The following SH3D19 variants were observed in gnomAD, a reference collection of about 807,000 sequenced individuals.
SH3D19 encodes SH3 domain-containing protein 19.
SH3D19 carries 58 observed loss-of-function variants against 112.1 expected under a neutral mutation model. The observed-to-expected ratio is 0.52, with a 90% CI of 0.42 to 0.64. The LOEUF is 0.64. Among genes scored for constraint, SH3D19 ranks in the 30% least tolerant of loss-of-function variants. The pLI, the probability that SH3D19 is intolerant of heterozygous loss-of-function variation, is 0.00. For missense variants in SH3D19, 1,090 were observed against 1,263.4 expected (o/e 0.86, Z 2.08); for synonymous variants, 391 against 448.5 (o/e 0.87, Z 1.62).
chr4:151,150,730 T>C (rs1754901530), intron 9 of SH3D19, among the ~76,000 whole-genome samples: 1 of 152,102 alleles, frequency 6.6e-6, no homozygotes, highest in Admixed American at 6.5e-5. Flanking sequence ...TTTATCCTAA[T>C]GGTAGATGAG....
intron 1 of SH3D19, among the ~76,000 whole-genome samples, chr4:151,268,489 G>C (rs915359077): frequency 1.3e-5 from 2 of 151,416 alleles, no homozygotes; most frequent in African/African-American, 4.9e-5. Context: ...TGTGCACAAT[G>C]TGCAGGTTAG....
chr4:151,171,067 G>A (rs938058028), intron 7 of SH3D19, among the ~76,000 whole-genome samples: 1 of 152,156 alleles, frequency 6.6e-6, no homozygotes, highest in Non-Finnish European at 1.5e-5. Flanking sequence ...TGTTATGGAT[G>A]TACTATAATT....
At chr4:151,208,878 C>G (rs1394494171) in intron 2 of SH3D19, among the ~76,000 whole-genome samples, 1 of 149,324 alleles carries the variant, frequency 6.7e-6, no homozygotes, top group East Asian at 2.0e-4. Flanking sequence ...GGGGTTTCAC[C>G]GTGTTAGCCA....
Position 151,133,179 on chromosome 4 carries a change from A to G in SH3D19, c.2544T>C (p.Ser848=). The change falls in exon 16 of 20, where the codon AGT becomes AGC. Residue 848 remains serine (S), a synonymous_variant. Transcript: ENST00000604030. Reference sequence around the variant, plus strand: ...GAATAATAATTTCTCCCTCTGAGAAACTCAACTCATCCTTCTGCTCTCCAA... The same window carrying G: ...GAATAATAATTTCTCCCTCTGAGAAGCTCAACTCATCCTTCTGCTCTCCAA... ...EYIGEQKDEL[S]FSEGEIIILK... is the part of the protein sequence containing the mutation. 1 of 1,613,996 alleles carries G rather than the reference A, an allele frequency of 6.2e-7. No individual in the cohort carries two copies. The highest frequency in any genetic ancestry group is 8.5e-7 in the Non-Finnish European group (1 of 1,179,986).
chr4:151,233,002 G>C (rs1252274839), intron 1 of SH3D19, among the ~76,000 whole-genome samples: 1 of 152,164 alleles, frequency 6.6e-6, no homozygotes, highest in Non-Finnish European at 1.5e-5. Context: ...AAGCAAGCAA[G>C]AATTTCTGCC....
intron 1 of SH3D19, among the ~76,000 whole-genome samples, chr4:151,293,170 T>C (rs1775464663): frequency 6.6e-6 from 1 of 151,138 alleles, no homozygotes; most frequent in Non-Finnish European, 1.5e-5. Flanking sequence ...ATACATTTAA[T>C]AGAAAATAAG....
chr4:151,268,371 A>C (rs974953758), intron 1 of SH3D19, among the ~76,000 whole-genome samples: 2 of 152,160 alleles, frequency 1.3e-5, no homozygotes, highest in African/African-American at 4.8e-5. Context: ...GTGAATGTGA[A>C]CGCCTAGGAC....
chr4:151,164,640 C>T (rs1757683573), intron 8 of SH3D19, among the ~76,000 whole-genome samples: 1 of 150,680 alleles, frequency 6.6e-6, no homozygotes. Context: ...AATGCAGTGG[C>T]ACGATCTCGG....
intron 19 of SH3D19, among the ~76,000 whole-genome samples, chr4:151,125,788 C>G (rs1324157043): frequency 1.2e-4 from 16 of 136,842 alleles, no homozygotes; most frequent in African/African-American, 4.1e-4. Context: ...GGAGGCAGAC[C>G]GAGATCATGC....
chr4:151,245,121 G>C (rs1370828130), intron 1 of SH3D19, among the ~76,000 whole-genome samples: 6 of 151,194 alleles, frequency 4.0e-5, no homozygotes, highest in Non-Finnish European at 8.8e-5. Context: ...TCCAGCCTGG[G>C]CAACAGAGCA....
intron 2 of SH3D19, among the ~76,000 whole-genome samples, chr4:151,214,143 G>T (rs1022719303): frequency 6.6e-6 from 1 of 151,832 alleles, no homozygotes; most frequent in African/African-American, 2.4e-5. Context: ...ATTTAACCCT[G>T]AGTGGACACA....
intron 2 of SH3D19, among the ~76,000 whole-genome samples, chr4:151,224,372 G>C (rs1768632312): frequency 6.6e-6 from 1 of 152,142 alleles, no homozygotes; most frequent in Non-Finnish European, 1.5e-5. Flanking sequence ...ACTTCTTTCA[G>C]TGTAATCAAA....
intron 1 of SH3D19, chr4:151,291,215 G>A (rs749050503): frequency 6.2e-7 from 1 of 1,612,916 alleles, no homozygotes; most frequent in Admixed American, 1.7e-5. Flanking sequence ...TCTCTTCCTG[G>A]AGTCTACACC....
At chr4:151,169,547 G>A (rs1758687974) in intron 7 of SH3D19, among the ~76,000 whole-genome samples, 1 of 152,118 alleles carries the variant, frequency 6.6e-6, no homozygotes, top group Admixed American at 6.6e-5. Context: ...ATCTTATGAT[G>A]GTGTGCAAGC....
intron 1 of SH3D19, among the ~76,000 whole-genome samples, chr4:151,233,910 T>C (rs1317377636): frequency 6.6e-6 from 1 of 152,210 alleles, no homozygotes; most frequent in Non-Finnish European, 1.5e-5. Context: ...TGCTTCACAG[T>C]CAGTACTCTG....
At chr4:151,249,575 C>T (rs1487035827) in intron 1 of SH3D19, among the ~76,000 whole-genome samples, 2 of 152,096 alleles carry the variant, frequency 1.3e-5, no homozygotes, top group African/African-American at 4.8e-5. Context: ...TTAATCACCA[C>T]AAACTCAGAA....
At chr4:151,126,554 T>G (rs1749372466) in intron 19 of SH3D19, among the ~76,000 whole-genome samples, 1 of 151,868 alleles carries the variant, frequency 6.6e-6, no homozygotes, top group Admixed American at 6.6e-5. Context: ...CCAGCACTTT[T>G]GGAGGCTGAG....
intron 8 of SH3D19, among the ~76,000 whole-genome samples, chr4:151,160,989 T>C (rs1385118376): frequency 1.3e-5 from 2 of 152,180 alleles, no homozygotes; most frequent in Non-Finnish European, 2.9e-5. Context: ...GTTAATCATA[T>C]AGAGTATAAT....
chr4:151,215,673 C>T (rs1189035437), intron 2 of SH3D19, among the ~76,000 whole-genome samples: 2 of 152,158 alleles, frequency 1.3e-5, no homozygotes, highest in Non-Finnish European at 2.9e-5. Context: ...TGGCCTACAA[C>T]TAAAATGAGA....
Sources: allele counts gnomAD v4.1 joint callset (sites outside exome capture counted in the v4.1 genomes callset), GRCh38; gene constraint gnomAD v4.1.1; transcripts MANE v1.5; gene names NCBI Gene and HGNC (gene_info 2026-07-23, HGNC 2026-07-21).